Variants in LSAMP observed in about 807,000 individuals in gnomAD.
LSAMP encodes the protein limbic system-associated membrane protein.
A neutral mutation model predicts 38.6 loss-of-function variants in LSAMP; 7 were observed. The observed-to-expected ratio is 0.18, with a 90% CI of 0.10 to 0.34. The LOEUF is 0.34. Ranked by LOEUF, LSAMP falls within the 10% of genes least tolerant of loss-of-function variation. The probability of loss-of-function intolerance (pLI) is 1.00; values close to 1 mark genes in which losing one functional copy is unlikely to be tolerated. For synonymous variants in LSAMP, 154 were observed against 166.8 expected (o/e 0.92, Z 0.59); for missense variants, 313 against 420.0 (o/e 0.75, Z 2.23).
Position 115,803,954 on chromosome 3 carries a change from T to C in LSAMP, c.*6363A>G, listed in dbSNP as rs577616598. 6.6e-6 allele frequency: 1 copy of C among 152,326 alleles called. No homozygotes were observed. The highest frequency in any genetic ancestry group is 1.9e-4 in the East Asian group (1 of 5,188). The allele number at this position is 152,326 out of a possible 1,614,324, so 9.4% of individuals were successfully genotyped here. A position where few individuals can be genotyped will look rare whatever the true frequency, so the allele number is the denominator to read the frequency against. ...ATGTCCTCATTTGTTACATGCATAA[T>C]ACCCAGTCTGGCTATTTTCCTTCCT... On this transcript the variant is annotated 3_prime_UTR_variant, in exon 7 of 7. Transcript: ENST00000490035.
intron 1 of LSAMP, among the ~76,000 whole-genome samples, chr3:116,157,348 T>C (rs1229866293): frequency 6.6e-6 from 1 of 152,108 alleles, no homozygotes; most frequent in Non-Finnish European, 1.5e-5. Context: ...TGAAGAAGAT[T>C]TCAGTGGAAA....
intron 3 of LSAMP, among the ~76,000 whole-genome samples, chr3:115,998,333 G>C (rs1053544133): frequency 6.6e-6 from 1 of 152,116 alleles, no homozygotes; most frequent in South Asian, 2.1e-4. Flanking sequence ...ATCATGGCTG[G>C]GTAGGGAATA....
intron 1 of LSAMP, among the ~76,000 whole-genome samples, chr3:116,338,370 C>T (rs2047949760): frequency 6.6e-6 from 1 of 151,962 alleles, no homozygotes; most frequent in African/African-American, 2.4e-5. Flanking sequence ...CCCTTTCAGC[C>T]TCAAATCTAC....
At chr3:115,894,312 T>C (rs1055848358) in intron 3 of LSAMP, among the ~76,000 whole-genome samples, 2 of 152,006 alleles carry the variant, frequency 1.3e-5, no homozygotes, top group African/African-American at 4.8e-5. Context: ...CTTCCTTCTA[T>C]TAGCATTTTT....
intron 1 of LSAMP, among the ~76,000 whole-genome samples, chr3:116,130,822 C>T (rs1709109823): frequency 1.3e-5 from 2 of 152,054 alleles, no homozygotes; most frequent in Non-Finnish European, 2.9e-5. Flanking sequence ...GAGATCATAT[C>T]TATATAGATA....
chr3:116,013,685 A>C (rs543676090), intron 3 of LSAMP, among the ~76,000 whole-genome samples: 3 of 152,312 alleles, frequency 2.0e-5, no homozygotes, highest in African/African-American at 7.2e-5. Flanking sequence ...CAAACATTTT[A>C]AAATTTATTT....
At chr3:116,247,460 A>C (rs2046619069) in intron 1 of LSAMP, among the ~76,000 whole-genome samples, 1 of 152,250 alleles carries the variant, frequency 6.6e-6, no homozygotes, top group South Asian at 2.1e-4. Context: ...AGTATTTAAG[A>C]ATGTTTACAT....
At chr3:115,848,986 T>A (rs10934307) in intron 4 of LSAMP, among the ~76,000 whole-genome samples, 55,759 of 152,068 alleles carry the variant, frequency 0.37, 10,888 homozygotes, top group African/African-American at 0.5. Flanking sequence ...CTAGGATGAG[T>A]CAAGCTCAAA....
At chr3:115,953,894 CTGGT>C (rs1426196641) in intron 3 of LSAMP, among the ~76,000 whole-genome samples, 6 of 152,120 alleles carry the variant, frequency 3.9e-5, no homozygotes, top group Non-Finnish European at 7.4e-5. Context: ...AGTTCTTTCC[CTGGT>C]TGGTTGGTTC....
intron 1 of LSAMP, among the ~76,000 whole-genome samples, chr3:116,390,256 C>G (rs2048675361): frequency 6.6e-6 from 1 of 151,914 alleles, no homozygotes; most frequent in Non-Finnish European, 1.5e-5. Flanking sequence ...ATAAAGACAC[C>G]ATAACCAAGA....
At chr3:115,830,135 G>A (rs543649923) in intron 6 of LSAMP, among the ~76,000 whole-genome samples, 1 of 152,158 alleles carries the variant, frequency 6.6e-6, no homozygotes, top group Non-Finnish European at 1.5e-5. Context: ...TAATAGAGGT[G>A]TATATGTAAA....
At chr3:116,045,772 TATTTAATTACCAG>T (rs1400550135) in intron 2 of LSAMP, among the ~76,000 whole-genome samples, 1 of 152,236 alleles carries the variant, frequency 6.6e-6, no homozygotes, top group East Asian at 1.9e-4. Flanking sequence ...AAGAATGTTT[TATTTAATTACCAG>T]ATTCTTCCTT....
intron 3 of LSAMP, among the ~76,000 whole-genome samples, chr3:115,896,822 A>C (rs903950580): frequency 2.0e-5 from 3 of 152,114 alleles, no homozygotes; most frequent in Non-Finnish European, 2.9e-5. Flanking sequence ...ATTTGAGGGA[A>C]GAGGGCTTCT....
chr3:115,839,996 A>G (rs2107500786), intron 6 of LSAMP, among the ~76,000 whole-genome samples: 1 of 152,348 alleles, frequency 6.6e-6, no homozygotes, highest in South Asian at 2.1e-4. Flanking sequence ...CATGACCACG[A>G]GCAGTATCTC....
At chr3:116,009,417 A>T (rs185371673) in intron 3 of LSAMP, among the ~76,000 whole-genome samples, 1 of 152,268 alleles carries the variant, frequency 6.6e-6, no homozygotes, top group Non-Finnish European at 1.5e-5. Context: ...CGTCTTGGCA[A>T]TCCCCCTGTA....
At chr3:116,178,518 T>C (rs1710407353) in intron 1 of LSAMP, among the ~76,000 whole-genome samples, 1 of 152,074 alleles carries the variant, frequency 6.6e-6, no homozygotes, top group African/African-American at 2.4e-5. Flanking sequence ...CAATGATAAA[T>C]CTAAGCCTTA....
intron 1 of LSAMP, among the ~76,000 whole-genome samples, chr3:116,424,326 G>A (rs1182491623): frequency 1.3e-5 from 2 of 152,166 alleles, no homozygotes. Context: ...CTCAAGTTTT[G>A]AGGCTGAGCA....
chr3:115,928,799 C>T (rs1937529790), intron 3 of LSAMP, among the ~76,000 whole-genome samples: 1 of 151,948 alleles, frequency 6.6e-6, no homozygotes, highest in Admixed American at 6.6e-5. Flanking sequence ...GATCCCAGGT[C>T]ACAGGCCAGT....
At chr3:115,922,664 A>G (rs1306098775) in intron 3 of LSAMP, among the ~76,000 whole-genome samples, 1 of 152,084 alleles carries the variant, frequency 6.6e-6, no homozygotes, top group Non-Finnish European at 1.5e-5. Flanking sequence ...AAAGACAGCC[A>G]TCTTACCCAG....
Sources: gnomAD v4.1 joint callset for allele counts (sites outside exome capture counted in the v4.1 genomes callset) on GRCh38, gnomAD v4.1.1 for gene constraint, MANE v1.5 for transcripts, NCBI Gene and HGNC (gene_info 2026-07-23, HGNC 2026-07-21) for gene names.